The following LMOD1 variants were observed in gnomAD, a reference collection of about 807,000 sequenced individuals.
LMOD1 encodes the protein leiomodin 1, also known as leiomodin-1.
Under a neutral mutation model 36.5 loss-of-function variants are expected in LMOD1, and 8 were observed. The ratio of observed to expected loss-of-function variants is 0.22; its 90% CI spans 0.13 to 0.40. LMOD1 has a LOEUF of 0.40. Among genes scored for constraint, LMOD1 ranks in the 10% least tolerant of loss-of-function variants. LMOD1 has a pLI of 1.00. For synonymous variants in LMOD1, 284 were observed against 288.7 expected, an observed-to-expected ratio of 0.98 and a Z score of 0.17; for missense variants, 630 against 751.1, an observed-to-expected ratio of 0.84 and a Z score of 1.88.
At chr1:201,932,645 G>T (rs1681944317) in intron 1 of LMOD1, among the ~76,000 whole-genome samples, 1 of 152,088 alleles carries the variant, frequency 6.6e-6, no homozygotes, top group Admixed American at 6.6e-5. Flanking sequence ...AGGAGGCTGA[G>T]GTGGAAGGAT....
chr1:201,927,396 T>C (rs1394656549), intron 1 of LMOD1, among the ~76,000 whole-genome samples: 4 of 152,076 alleles, frequency 2.6e-5, no homozygotes, highest in Admixed American at 2.6e-4. Context: ...TGTAACCCCA[T>C]CTCTACTAAA....
At chr1:201,916,156 G>GATCCAC in intron 1 of LMOD1, among the ~76,000 whole-genome samples, 1 of 151,950 alleles carries the variant, frequency 6.6e-6, no homozygotes, top group East Asian at 2.0e-4. Flanking sequence ...GGGCTCAAGC[G>GATCCAC]ATCCACACAC....
At chr1:201,944,328 T>C (rs1275550432) in intron 1 of LMOD1, among the ~76,000 whole-genome samples, 1 of 152,172 alleles carries the variant, frequency 6.6e-6, no homozygotes, top group Non-Finnish European at 1.5e-5. Context: ...AACAGGAGAA[T>C]CCTTCACACT....
chr1:201,898,277 G>A lies in LMOD1; in HGVS notation c.*95C>T. 1 of 1,303,850 alleles carries A rather than the reference G, an allele frequency of 7.7e-7. No individual in the cohort carries two copies. Among genetic ancestry groups the A allele is most frequent in the Non-Finnish European group, 1.1e-6 (1 of 915,942 alleles). The allele number at this position is 1,303,850 out of a possible 1,614,324, so 80.8% of individuals were successfully genotyped here. ...GGCAGAATAGGGACATCCACAGCAG[G>A]TCAGCCAGGGATGGGGTGGGCAGGG... On this transcript the variant is annotated 3_prime_UTR_variant, in exon 3 of 3. Coordinates refer to ENST00000367288, the MANE Select transcript of LMOD1 (RefSeq NM_012134.3).
intron 1 of LMOD1, among the ~76,000 whole-genome samples, chr1:201,932,132 G>C (rs1227612466): frequency 2.0e-5 from 3 of 152,126 alleles, no homozygotes; most frequent in Admixed American, 6.6e-5. Flanking sequence ...GGTTGGGGAG[G>C]ACTGAGCATG....
chr1:201,901,579 T>C (rs796915477), intron 1 of LMOD1, among the ~76,000 whole-genome samples: 1,146 of 8,382 alleles, frequency 0.14, 104 homozygotes, highest in Non-Finnish European at 0.18. Flanking sequence ...TATATATATA[T>C]ATATACATAT....
chr1:201,905,889 G>A (rs1025777223), intron 1 of LMOD1, among the ~76,000 whole-genome samples: 4 of 152,246 alleles, frequency 2.6e-5, no homozygotes, highest in African/African-American at 9.6e-5. Context: ...CACCCTCACA[G>A]GTGATACCAC....
chr1:201,923,883 AAG>A (rs137961777), intron 1 of LMOD1, among the ~76,000 whole-genome samples: 33 of 140,264 alleles, frequency 2.4e-4, no homozygotes, highest in Admixed American at 3.0e-4. Context: ...AAAGAAGAAA[AAG>A]AGAGAGAGAG....
At position 201,900,217 on chromosome 1, in the gene LMOD1, T is replaced by C. The variant is rs767389358; in HGVS notation, c.796A>G (p.Lys266Glu). 2.5e-6 allele frequency: 4 copies of C among 1,613,972 alleles called. No homozygotes were observed. Among genetic ancestry groups the C allele is most frequent in the Non-Finnish European group, 3.4e-6 (4 of 1,179,876 alleles). The change falls in exon 2 of 3, where the codon AAG (lysine) becomes GAG (glutamate). Residue 266 changes from lysine (K) to glutamate (E), a missense_variant. Lys to Glu is a moderately conservative substitution (Grantham distance 56, BLOSUM62 1). Transcript: ENST00000367288. ...TTCTTCTTGACTTTTTCATCGTCCTTTTTGGTGTCTGTGTTCCCAGTTCCT... is the reference window on the plus strand; with the variant it reads ...TTCTTCTTGACTTTTTCATCGTCCTCTTTGGTGTCTGTGTTCCCAGTTCCT... ...KRGTGNTDTK[K>E]DDEKVKKNEP...
intron 1 of LMOD1, among the ~76,000 whole-genome samples, chr1:201,920,355 C>A (rs1681683700): frequency 6.6e-6 from 1 of 152,040 alleles, no homozygotes; most frequent in Admixed American, 6.6e-5. Flanking sequence ...GATTACTACC[C>A]CAGTAAAATG....
chr1:201,907,187 A>G (rs1262984209), intron 1 of LMOD1, among the ~76,000 whole-genome samples: 1 of 152,186 alleles, frequency 6.6e-6, no homozygotes, highest in African/African-American at 2.4e-5. Flanking sequence ...CAGTTGGCCT[A>G]TGTGCAAATC....
At chr1:201,912,014 A>G (rs1681504474) in intron 1 of LMOD1, among the ~76,000 whole-genome samples, 1 of 152,214 alleles carries the variant, frequency 6.6e-6, no homozygotes, top group Non-Finnish European at 1.5e-5. Context: ...GGTTTCTGGC[A>G]GAAGCAAACA....
intron 1 of LMOD1, among the ~76,000 whole-genome samples, chr1:201,902,506 G>A (rs1433026455): frequency 6.6e-6 from 1 of 151,946 alleles, no homozygotes; most frequent in Non-Finnish European, 1.5e-5. Flanking sequence ...GAGTGTGATG[G>A]CGCAATCTTG....
At chr1:201,924,276 A>G (rs962803341) in intron 1 of LMOD1, among the ~76,000 whole-genome samples, 7 of 146,812 alleles carry the variant, frequency 4.8e-5, no homozygotes, top group African/African-American at 1.7e-4. Flanking sequence ...GTGAGCCGAG[A>G]TAGCGCCACT....
chr1:201,915,553 C>T (rs1327367165), intron 1 of LMOD1, among the ~76,000 whole-genome samples: 1 of 152,112 alleles, frequency 6.6e-6, no homozygotes, highest in Non-Finnish European at 1.5e-5. Flanking sequence ...CCAATCAGAA[C>T]CCGGCTGGGA....
intron 1 of LMOD1, among the ~76,000 whole-genome samples, chr1:201,915,173 C>T (rs12071755): frequency 0.013 from 2,001 of 152,302 alleles, 37 homozygotes; most frequent in African/African-American, 0.043. Context: ...CGGTTTCCAC[C>T]GCAGCCTTCA....
chr1:201,932,514 G>A (rs995297684), intron 1 of LMOD1, among the ~76,000 whole-genome samples: 21 of 152,126 alleles, frequency 1.4e-4, no homozygotes, highest in Admixed American at 7.2e-4. Context: ...CACTTTGGGA[G>A]GTTGAGGCTG....
At chr1:201,933,672 G>T (rs189367151) in intron 1 of LMOD1, among the ~76,000 whole-genome samples, 2 of 147,148 alleles carry the variant, frequency 1.4e-5, no homozygotes, top group East Asian at 4.1e-4. Flanking sequence ...GGCTATCTTT[G>T]GAGAGGAAGC....
chr1:201,912,486 A>T (rs1231135268), intron 1 of LMOD1, among the ~76,000 whole-genome samples: 1 of 151,936 alleles, frequency 6.6e-6, no homozygotes, highest in Non-Finnish European at 1.5e-5. Flanking sequence ...AATATGGTTT[A>T]TTACTGACTC....
Sources: gnomAD v4.1 joint callset for allele counts (sites outside exome capture counted in the v4.1 genomes callset) on GRCh38, gnomAD v4.1.1 for gene constraint, MANE v1.5 for transcripts, NCBI Gene and HGNC (gene_info 2026-07-23, HGNC 2026-07-21) for gene names.